Variants in RAB2A observed in about 807,000 individuals in gnomAD.
The protein encoded by RAB2A is RAB2A, member RAS oncogene family, also known as ras-related protein Rab-2A.
A neutral mutation model predicts 32.5 loss-of-function variants in RAB2A; 7 were observed. The observed-to-expected ratio is 0.22, with a 90% CI of 0.12 to 0.40. The LOEUF (loss-of-function observed/expected upper bound fraction) is 0.40, where lower values mean the gene tolerates loss of function less well. Among genes scored for constraint, RAB2A ranks in the 10% least tolerant of loss-of-function variants. RAB2A has a pLI of 1.00. For missense variants in RAB2A, 108 were observed against 260.7 expected, an observed-to-expected ratio of 0.41 and a Z score of 4.03; for synonymous variants, 79 against 85.2, an observed-to-expected ratio of 0.93 and a Z score of 0.40.
At chr8:60,549,670 T>C (rs1251250656) in intron 1 of RAB2A, among the ~76,000 whole-genome samples, 1 of 152,036 alleles carries the variant, frequency 6.6e-6, no homozygotes, top group Non-Finnish European at 1.5e-5. Context: ...TGGCAGGAGA[T>C]AGTTTTTTCC....
chr8:60,620,841 G>C lies in RAB2A; in HGVS notation c.*72G>C, dbSNP rs1332650629. On this transcript the variant is annotated 3_prime_UTR_variant, in exon 8 of 8. Coordinates refer to ENST00000262646, the MANE Select transcript of RAB2A (RefSeq NM_002865.3). ...CTTTCACCCCCTCTCCTCCTGCTCA[G>C]CTGAGACATGAAACTATTTGAAATG... 3 of 1,271,376 alleles carry C rather than the reference G, an allele frequency of 2.4e-6. No individual in the cohort carries two copies. In the Admixed American group the frequency reaches 7.5e-5, roughly 32 times the overall value. 78.8% of individuals were successfully genotyped at this position (1,271,376 alleles called of 1,614,324 possible).
intron 6 of RAB2A, among the ~76,000 whole-genome samples, chr8:60,605,283 G>A (rs1224705238): frequency 6.6e-6 from 1 of 152,228 alleles, no homozygotes; most frequent in Non-Finnish European, 1.5e-5. Flanking sequence ...TTCAGAGAAT[G>A]TATGGAAAAC....
At chr8:60,524,441 A>G (rs939543164) in intron 1 of RAB2A, among the ~76,000 whole-genome samples, 2 of 152,210 alleles carry the variant, frequency 1.3e-5, no homozygotes, top group Non-Finnish European at 2.9e-5. Flanking sequence ...AGATGCAGCC[A>G]TATGCAGACC....
intron 1 of RAB2A, among the ~76,000 whole-genome samples, chr8:60,534,748 T>C (rs1807532152): frequency 6.6e-6 from 1 of 150,898 alleles, no homozygotes; most frequent in African/African-American, 2.5e-5. Flanking sequence ...TAAGGAATCT[T>C]GGGACCACAC....
intron 3 of RAB2A, among the ~76,000 whole-genome samples, chr8:60,577,081 T>G (rs1001584944): frequency 2.0e-5 from 3 of 152,196 alleles, no homozygotes; most frequent in Admixed American, 2.0e-4. Flanking sequence ...GATCTTGCCC[T>G]GTTGCCCAGG....
chr8:60,564,831 T>G (rs1037676806), intron 2 of RAB2A, among the ~76,000 whole-genome samples: 10 of 152,252 alleles, frequency 6.6e-5, no homozygotes, highest in Non-Finnish European at 1.5e-4. Context: ...TGTTTATTGC[T>G]GTATCTGCAC....
intron 1 of RAB2A, among the ~76,000 whole-genome samples, chr8:60,542,120 A>C (rs1454442958): frequency 6.6e-6 from 1 of 152,202 alleles, no homozygotes; most frequent in African/African-American, 2.4e-5. Flanking sequence ...TTGTAAAGAG[A>C]GGTGTGTCTT....
chr8:60,584,141 T>C, intron 3 of RAB2A, 67 bp from the exon 4 acceptor site: 1 of 1,254,146 alleles, frequency 8.0e-7, no homozygotes, highest in Non-Finnish European at 1.2e-6. Context: ...ATTCTGTATA[T>C]GAATAATATG....
chr8:60,583,323 G>GA (rs2130848268), intron 3 of RAB2A, among the ~76,000 whole-genome samples: 1 of 152,180 alleles, frequency 6.6e-6, no homozygotes, highest in Admixed American at 6.5e-5. Flanking sequence ...GATTAAAAAT[G>GA]AAAAATAACT....
intron 5 of RAB2A, among the ~76,000 whole-genome samples, chr8:60,589,340 C>T (rs150672626): frequency 4.6e-5 from 7 of 152,074 alleles, no homozygotes; most frequent in South Asian, 4.2e-4. Context: ...AGGAGTATAA[C>T]GAACAAGAAA....
chr8:60,528,953 A>G (rs925343449), intron 1 of RAB2A, among the ~76,000 whole-genome samples: 7 of 152,228 alleles, frequency 4.6e-5, no homozygotes, highest in Non-Finnish European at 7.3e-5. Context: ...GCTCAAGAAA[A>G]GAGATTTATG....
chr8:60,521,185 A>G (rs1042732144), intron 1 of RAB2A, among the ~76,000 whole-genome samples: 2 of 152,214 alleles, frequency 1.3e-5, no homozygotes, highest in African/African-American at 4.8e-5. Context: ...AGGGTACACC[A>G]TTGAGTGTCA....
intron 5 of RAB2A, among the ~76,000 whole-genome samples, 160 bp downstream of exon 5, chr8:60,584,975 TTAA>T (rs975531126): frequency 6.6e-6 from 1 of 152,238 alleles, no homozygotes; most frequent in African/African-American, 2.4e-5. Flanking sequence ...TAAAATGATG[TTAA>T]TAAGCTTTGT....
intron 2 of RAB2A, among the ~76,000 whole-genome samples, chr8:60,560,749 T>G (rs1255307970): frequency 5.5e-5 from 3 of 54,488 alleles, no homozygotes; most frequent in East Asian, 9.9e-4. Context: ...TTGTTTTTTG[T>G]TTTTTTTTTT....
intron 6 of RAB2A, among the ~76,000 whole-genome samples, chr8:60,612,346 T>G (rs976141809): frequency 2.0e-5 from 3 of 152,228 alleles, no homozygotes; most frequent in African/African-American, 7.2e-5. Context: ...GTGTTTAGGC[T>G]CCCTACTTTC....
rs537997779 is a variant in RAB2A, at chr8:60,606,449, G to C, written c.475-12131G>C. ...ATACCTCTGATATTCCAACTGTTTT[G>C]CTCTTACCTGAATTTATGCTGCCTA... On this transcript the variant is annotated intron_variant, in intron 6 of 7. Coordinates refer to ENST00000262646, the MANE Select transcript of RAB2A (RefSeq NM_002865.3). 5.9e-5 allele frequency among the ~76,000 whole-genome samples: 9 copies of C among 152,246 alleles called. No homozygotes were observed. In the South Asian group the frequency reaches 1.9e-3, roughly 32 times the overall value.
intron 1 of RAB2A, among the ~76,000 whole-genome samples, chr8:60,546,654 A>G (rs1354213917): frequency 1.3e-5 from 2 of 152,202 alleles, no homozygotes; most frequent in Non-Finnish European, 2.9e-5. Flanking sequence ...TGCTTCCTAC[A>G]TGTTTTCAGT....
At chr8:60,584,349 T>A in intron 4 of RAB2A, 59 bp downstream of exon 4, 1 of 1,384,044 alleles carries the variant, frequency 7.2e-7, no homozygotes, top group Non-Finnish European at 1.0e-6. Context: ...TCTAAATAGA[T>A]GTGGTTAACA....
intron 5 of RAB2A, among the ~76,000 whole-genome samples, chr8:60,591,095 A>T (rs1336542978): frequency 1.4e-5 from 2 of 145,436 alleles, no homozygotes; most frequent in East Asian, 3.9e-4. Flanking sequence ...TAAACATGTA[A>T]TAATAAATAA....
Sources: gnomAD v4.1 joint callset for allele counts (sites outside exome capture counted in the v4.1 genomes callset) on GRCh38, gnomAD v4.1.1 for gene constraint, MANE v1.5 for transcripts, NCBI Gene and HGNC (gene_info 2026-07-23, HGNC 2026-07-21) for gene names.